ABCB7: variants seen among roughly 807,000 people sequenced by gnomAD.
ABCB7 encodes ATP binding cassette subfamily B member 7, also known as iron-sulfur clusters transporter ABCB7, mitochondrial.
In ABCB7, 7 loss-of-function variants were observed where a neutral mutation model predicts 54.4. The observed-to-expected ratio is 0.13, with a 90% CI of 0.07 to 0.24. The LOEUF is 0.24. Ranked by LOEUF, ABCB7 falls within the 10% of genes least tolerant of loss-of-function variation. ABCB7 has a pLI of 1.00. For missense variants in ABCB7, 356 were observed against 570.4 expected (o/e 0.62, Z 3.83); for synonymous variants, 218 against 207.1 (o/e 1.05, Z -0.45).
chrX:75,061,921 C>T (rs1437954522), intron 14 of ABCB7, among the ~76,000 whole-genome samples: 1 of 112,223 alleles, frequency 8.9e-6, no homozygotes, highest in Non-Finnish European at 1.9e-5. Context: ...GAAAGGCTTT[C>T]TGGTATGTAC....
At chrX:75,102,742 T>C (rs1385018328) in intron 3 of ABCB7, among the ~76,000 whole-genome samples, 4 of 111,657 alleles carry the variant, frequency 3.6e-5, no homozygotes, top group Non-Finnish European at 5.7e-5. Flanking sequence ...CTGTTTTTCA[T>C]AGTGGCTGTA....
At position 75,053,353 on chromosome X, in the gene ABCB7, A is replaced by T. The variant is rs751986553; in HGVS notation, c.*17T>A. 7 of 1,209,447 alleles carry T rather than the reference A, an allele frequency of 5.8e-6. No homozygotes were observed. In the East Asian group the frequency reaches 1.8e-4, roughly 31 times the overall value. ...ATGTAGTCCAAAACAACAAAAAAAG[A>T]AAATGTCTTATGTGACTTAGCACGA... On this transcript the variant is annotated 3_prime_UTR_variant, in exon 16 of 16. Transcript: ENST00000373394.
intron 4 of ABCB7, among the ~76,000 whole-genome samples, chrX:75,094,677 C>A (rs1349713105): frequency 2.7e-5 from 3 of 111,271 alleles, no homozygotes; most frequent in Non-Finnish European, 5.7e-5. Flanking sequence ...CATGCCACTG[C>A]ACTCCAGCCT....
At chrX:75,103,998 T>C (rs148525306) in intron 3 of ABCB7, among the ~76,000 whole-genome samples, 1,223 of 102,440 alleles carry the variant, frequency 0.012, 16 homozygotes, top group African/African-American at 0.041. Flanking sequence ...GGACTTCCAG[T>C]ACCATGTTGA....
intron 1 of ABCB7, among the ~76,000 whole-genome samples, chrX:75,136,689 A>T (rs1441570569): frequency 1.8e-5 from 2 of 111,942 alleles, no homozygotes; most frequent in Non-Finnish European, 3.8e-5. Flanking sequence ...AAAAACAGAC[A>T]GACTGACCAT....
intron 15 of ABCB7, among the ~76,000 whole-genome samples, chrX:75,056,969 A>C (rs779057696): frequency 8.9e-6 from 1 of 112,171 alleles, no homozygotes; most frequent in Non-Finnish European, 1.9e-5. Flanking sequence ...TTCAAAAGTT[A>C]CTTGGCTTAA....
At chrX:75,086,885 T>C (rs1274997112) in intron 4 of ABCB7, among the ~76,000 whole-genome samples, 1 of 111,665 alleles carries the variant, frequency 9.0e-6, no homozygotes, top group African/African-American at 3.3e-5. Flanking sequence ...GTTGCCCTCA[T>C]TGCTCATTAT....
intron 1 of ABCB7, among the ~76,000 whole-genome samples, chrX:75,134,240 T>C (rs998117293): frequency 1.8e-5 from 2 of 111,717 alleles, no homozygotes; most frequent in Non-Finnish European, 3.8e-5. Flanking sequence ...AGAAGGGCAT[T>C]ACATAATGAT....
At chrX:75,155,462 C>T (rs1432255204) in intron 1 of ABCB7, among the ~76,000 whole-genome samples, 1 of 112,331 alleles carries the variant, frequency 8.9e-6, no homozygotes, top group African/African-American at 3.2e-5. Context: ...ACCATAGCTA[C>T]ATTCATAAGT....
At chrX:75,055,485 T>C (rs764076968) in intron 15 of ABCB7, among the ~76,000 whole-genome samples, 1 of 99,054 alleles carries the variant, frequency 1.0e-5, no homozygotes, top group African/African-American at 3.8e-5. Context: ...GATGAGAGGA[T>C]TGCTTGAGCC....
chrX:75,141,068 A>G (rs1219759721), intron 1 of ABCB7, among the ~76,000 whole-genome samples: 3 of 111,710 alleles, frequency 2.7e-5, no homozygotes, highest in Non-Finnish European at 5.6e-5. Flanking sequence ...CCTCTTGTCA[A>G]TATGTTGGCA....
At chrX:75,140,321 T>C (rs182299201) in intron 1 of ABCB7, among the ~76,000 whole-genome samples, 100 of 110,911 alleles carry the variant, frequency 9.0e-4, no homozygotes, top group African/African-American at 3.1e-3. Context: ...GTTCAACTAC[T>C]GGGGAGGCTG....
intron 1 of ABCB7, among the ~76,000 whole-genome samples, chrX:75,135,214 C>A (rs1421149444): frequency 3.7e-5 from 4 of 107,889 alleles, no homozygotes; most frequent in African/African-American, 1.3e-4. Flanking sequence ...TGCACACGAA[C>A]TAGAAAACCC....
chrX:75,122,367 T>A (rs1393503102), intron 1 of ABCB7, among the ~76,000 whole-genome samples: 1 of 104,061 alleles, frequency 9.6e-6, no homozygotes, highest in Non-Finnish European at 1.9e-5. Context: ...GAGGTGTGAA[T>A]AATCCATCTC....
At chrX:75,099,164 T>C in intron 3 of ABCB7, 103 bp from the exon 4 acceptor site, 1 of 914,181 alleles carries the variant, frequency 1.1e-6, no homozygotes, top group Non-Finnish European at 1.5e-6. Context: ...CATGAAAACA[T>C]TACAAATATA....
intron 1 of ABCB7, among the ~76,000 whole-genome samples, chrX:75,116,704 G>A (rs1165868599): frequency 9.0e-6 from 1 of 111,407 alleles, no homozygotes; most frequent in Non-Finnish European, 1.9e-5. Context: ...ATCTTGAGTA[G>A]GGGCTTAGTA....
At position 75,092,906 on chromosome X, in the gene ABCB7, A is replaced by G. The variant is rs780962597; in HGVS notation, c.453+6036T>C. On this transcript the variant is annotated intron_variant, in intron 4 of 15. Coordinates refer to ENST00000373394, the MANE Select transcript of ABCB7 (RefSeq NM_001271696.3). Reference sequence around the variant, plus strand: ...AGAATGGCTAAAATCTAAAATATCAATAACACCAAATGCTAGTGAGGATGT... The same window carrying G: ...AGAATGGCTAAAATCTAAAATATCAGTAACACCAAATGCTAGTGAGGATGT... 5.4e-5 allele frequency among the ~76,000 whole-genome samples: 6 copies of G among 112,133 alleles called. 1 individual carries two copies. Among genetic ancestry groups the G allele is most frequent in the East Asian group, 5.6e-4 (2 of 3,576 alleles).
chrX:75,071,392 G>A (rs1247582881), intron 9 of ABCB7, 117 bp downstream of exon 9: 1 of 832,122 alleles, frequency 1.2e-6, no homozygotes. Flanking sequence ...AGTACTCCAA[G>A]GATGTGAAAG....
intron 5 of ABCB7, among the ~76,000 whole-genome samples, chrX:75,075,867 T>G (rs1191011658): frequency 8.9e-6 from 1 of 112,072 alleles, no homozygotes; most frequent in African/African-American, 3.2e-5. Context: ...TAAAAGATAT[T>G]TTTTCCAAAT....
Sources: gnomAD v4.1 joint callset for allele counts (sites outside exome capture counted in the v4.1 genomes callset) on GRCh38, gnomAD v4.1.1 for gene constraint, MANE v1.5 for transcripts, NCBI Gene and HGNC (gene_info 2026-07-23, HGNC 2026-07-21) for gene names.